The following MDGA2 variants were observed in gnomAD, a reference collection of about 807,000 sequenced individuals.
The protein encoded by MDGA2 is MAM domain containing glycosylphosphatidylinositol anchor 2, also known as MAM domain-containing glycosylphosphatidylinositol anchor protein 2.
A neutral mutation model predicts 117.8 loss-of-function variants in MDGA2; 40 were observed. The observed-to-expected ratio is 0.34, with a 90% CI of 0.26 to 0.44. The LOEUF is 0.44. Among genes scored for constraint, MDGA2 ranks in the 20% least tolerant of loss-of-function variants. MDGA2 has a pLI of 1.00. For synonymous variants in MDGA2, 452 were observed against 439.0 expected (o/e 1.03, Z -0.37); for missense variants, 1,123 against 1,250.6 (o/e 0.90, Z 1.54).
intron 2 of MDGA2, among the ~76,000 whole-genome samples, chr14:47,262,904 C>T (rs889334238): frequency 1.3e-5 from 2 of 152,202 alleles, no homozygotes; most frequent in Non-Finnish European, 2.9e-5. Flanking sequence ...AATGATACTA[C>T]CTCTTTGGCA....
chr14:47,349,264 A>C (rs1441137477), intron 1 of MDGA2, among the ~76,000 whole-genome samples: 1 of 152,218 alleles, frequency 6.6e-6, no homozygotes. Flanking sequence ...CATGAGTCCA[A>C]ATGCCTCTTT....
intron 1 of MDGA2, among the ~76,000 whole-genome samples, chr14:47,510,171 C>A (rs182993216): frequency 6.6e-6 from 1 of 152,186 alleles, no homozygotes; most frequent in African/African-American, 2.4e-5. Context: ...AAAAGGGGCC[C>A]CGGAGAGCTC....
chr14:47,180,409 G>C (rs186386655), intron 3 of MDGA2, among the ~76,000 whole-genome samples: 5 of 152,266 alleles, frequency 3.3e-5, no homozygotes, highest in African/African-American at 9.6e-5. Flanking sequence ...AGAGGAAACA[G>C]ACAACCTATG....
At chr14:47,108,592 C>A (rs1376970432) in intron 5 of MDGA2, among the ~76,000 whole-genome samples, 3 of 152,118 alleles carry the variant, frequency 2.0e-5, no homozygotes, top group Non-Finnish European at 2.9e-5. Context: ...AGAGAACAAA[C>A]CCCCTTTGAC....
At chr14:47,095,680 G>A (rs1879925000) in intron 6 of MDGA2, among the ~76,000 whole-genome samples, 1 of 151,774 alleles carries the variant, frequency 6.6e-6, no homozygotes, top group African/African-American at 2.4e-5. Context: ...CAATTTTGTG[G>A]CAGATGGTAC....
intron 13 of MDGA2, 44 bp from the exon 14 acceptor site, chr14:46,873,635 G>A (rs372542940): frequency 1.9e-4 from 289 of 1,519,278 alleles, no homozygotes; most frequent in Non-Finnish European, 2.5e-4. Flanking sequence ...TTATTCTTAG[G>A]CATAATGAAA....
chr14:47,469,603 G>A (rs901507957), intron 1 of MDGA2, among the ~76,000 whole-genome samples: 8 of 152,052 alleles, frequency 5.3e-5, no homozygotes, highest in Middle Eastern at 3.4e-3. Context: ...GAATAGTGCC[G>A]CAATAAACAT....
rs192549647 is a variant in MDGA2, at chr14:47,287,715, A to G, written c.420+13696T>C. 2.6e-5 allele frequency among the ~76,000 whole-genome samples: 4 copies of G among 152,304 alleles called. No individual in the cohort carries two copies. In the East Asian group the frequency reaches 7.7e-4, roughly 29 times the overall value. On this transcript the variant is annotated intron_variant, in intron 2 of 16. Transcript: ENST00000399232. Reference sequence around the variant, plus strand: ...TGTTACAGGTTGATTATGTGCCCCTAAAGCATACACTGAAGTCCTAATTCC... The same window carrying G: ...TGTTACAGGTTGATTATGTGCCCCTGAAGCATACACTGAAGTCCTAATTCC...
rs71112472 is a variant in MDGA2 at position 46,938,540 on chromosome 14, CAAAAAA to C, written c.2090-18386_2090-18381del. On this transcript the variant is annotated intron_variant, in intron 9 of 16. Coordinates refer to ENST00000399232, the MANE Select transcript of MDGA2 (RefSeq NM_001113498.3). ...GGGCAACAAGAACGAAAATCCATCTCAAAAAAAAAAAAAAAAAAAAGAGACATCATC... is the reference window on the plus strand; with the variant it reads ...GGGCAACAAGAACGAAAATCCATCTCAAAAAAAAAAAAAAGAGACATCATC... Among the ~76,000 whole-genome samples the C allele has an allele frequency of 4.1e-4, 11 of 27,000 alleles. 2 individuals carry two copies. Among genetic ancestry groups the C allele is most frequent in the East Asian group, 2.1e-3 (2 of 944 alleles). 17.7% of individuals were successfully genotyped at this position (27,000 alleles called of 152,430 possible).
intron 1 of MDGA2, among the ~76,000 whole-genome samples, chr14:47,576,496 A>G (rs151112841): frequency 2.6e-5 from 4 of 152,150 alleles, no homozygotes; most frequent in African/African-American, 7.2e-5. Flanking sequence ...ACAAACAGCC[A>G]TATTTCCCCA....
At chr14:47,122,641 C>G (rs1881711756) in intron 5 of MDGA2, among the ~76,000 whole-genome samples, 1 of 152,066 alleles carries the variant, frequency 6.6e-6, no homozygotes, top group South Asian at 2.1e-4. Context: ...AGTAAATGAT[C>G]ATGGAGCTAT....
At chr14:47,102,165 T>C (rs914199700) in intron 5 of MDGA2, among the ~76,000 whole-genome samples, 1 of 152,092 alleles carries the variant, frequency 6.6e-6, no homozygotes, top group Admixed American at 6.6e-5. Context: ...ATCTGGAGCA[T>C]TTAATTATGA....
chr14:47,544,658 C>T (rs186832994), intron 1 of MDGA2, among the ~76,000 whole-genome samples: 52 of 152,322 alleles, frequency 3.4e-4, no homozygotes, highest in Non-Finnish European at 5.9e-4. Flanking sequence ...ACCAGGTCAA[C>T]TGGTTAATGA....
chr14:47,633,280 C>T (rs983748287), intron 1 of MDGA2, among the ~76,000 whole-genome samples: 25 of 152,074 alleles, frequency 1.6e-4, no homozygotes, highest in African/African-American at 5.6e-4. Context: ...GAATTCTGGA[C>T]ACCTGACACA....
intron 7 of MDGA2, among the ~76,000 whole-genome samples, chr14:47,051,052 G>T (rs1889440148): frequency 6.6e-6 from 1 of 151,826 alleles, no homozygotes; most frequent in Non-Finnish European, 1.5e-5. Flanking sequence ...TTTGTCAAAG[G>T]GATATGACTG....
intron 1 of MDGA2, among the ~76,000 whole-genome samples, chr14:47,538,900 CA>C (rs1895279622): frequency 6.6e-6 from 1 of 152,146 alleles, no homozygotes; most frequent in African/African-American, 2.4e-5. Context: ...TTATATATCT[CA>C]GGGGTAACGG....
At chr14:47,612,623 A>G (rs1016208475) in intron 1 of MDGA2, among the ~76,000 whole-genome samples, 2 of 152,172 alleles carry the variant, frequency 1.3e-5, no homozygotes, top group African/African-American at 4.8e-5. Context: ...ACTGGCTATG[A>G]GAAACTATTT....
chr14:47,383,352 AAAAAG>A (rs1891679455), intron 1 of MDGA2, among the ~76,000 whole-genome samples: 1 of 152,196 alleles, frequency 6.6e-6, no homozygotes, highest in Non-Finnish European at 1.5e-5. Context: ...CAATTAAAAA[AAAAAG>A]AAAAGAAAAA....
rs1881947907 is a variant in MDGA2 at position 46,870,397 on chromosome 14, T to C, written c.2752+3036A>G. 1.3e-5 allele frequency among the ~76,000 whole-genome samples: 2 copies of C among 152,016 alleles called. 1 individual carries two copies. The highest frequency in any genetic ancestry group is 4.1e-4 in the South Asian group (2 of 4,836). On this transcript the variant is annotated intron_variant, in intron 14 of 16. Coordinates refer to ENST00000399232, the MANE Select transcript of MDGA2 (RefSeq NM_001113498.3). ...AATGACTAAAACTGAAAATACAATT[T>C]GTAAAACCAGTGGCTATAAATGCCT...
Sources: allele counts gnomAD v4.1 joint callset (sites outside exome capture counted in the v4.1 genomes callset), GRCh38; gene constraint gnomAD v4.1.1; transcripts MANE v1.5; gene names NCBI Gene and HGNC (gene_info 2026-07-23, HGNC 2026-07-21).